Variants in PLXNB1 observed in about 807,000 individuals in gnomAD.
PLXNB1 encodes the protein plexin B1.
A neutral mutation model predicts 209.4 loss-of-function variants in PLXNB1; 106 were observed. The observed-to-expected ratio is 0.51, with a 90% CI of 0.43 to 0.59. The LOEUF is 0.59. Ranked by LOEUF, PLXNB1 falls within the 20% of genes least tolerant of loss-of-function variation. The pLI, the probability that PLXNB1 is intolerant of heterozygous loss-of-function variation, is 0.00. For missense variants in PLXNB1, 2,357 were observed against 2,853.2 expected (o/e 0.83, Z 3.96); for synonymous variants, 1,167 against 1,183.2 (o/e 0.99, Z 0.28).
rs868776100 is a variant in PLXNB1 at position 48,414,888 on chromosome 3, A to G, written c.4120T>C (p.Tyr1374His). ...GGCTGCAGGGTGGGGTCGGCCTCATAGGAGAAAGGTGTGGGGTTCAGTGTT... is the reference window on the plus strand; with the variant it reads ...GGCTGCAGGGTGGGGTCGGCCTCATGGGAGAAAGGTGTGGGGTTCAGTGTT... ...FATLNPTPFS[Y>H]EADPTLQPLN... The change falls in exon 21 of 38, where the codon TAT becomes CAT. Residue 1374 changes from tyrosine (Y) to histidine (H), a missense_variant. Around this residue, in one of 7 missense-constraint regions of PLXNB1, gnomAD observed 743 missense variants for 896.2 expected, o/e 0.83. Transcript: ENST00000296440. 2 of 1,614,014 alleles carry G rather than the reference A, an allele frequency of 1.2e-6. No individual in the cohort carries two copies. Among genetic ancestry groups the G allele is most frequent in the Middle Eastern group, 3.3e-4 (2 of 6,062 alleles).
At position 48,420,791 on chromosome 3, in the gene PLXNB1, A is replaced by G; in HGVS notation, c.1920-18T>C. 6.2e-7 allele frequency: 1 copy of G among 1,613,438 alleles called. No individual in the cohort carries two copies. The highest frequency in any genetic ancestry group is 1.1e-5 in the South Asian group (1 of 91,050). ...CCTGGCACCTGCACAGAGCACAGCC[A>G]TGGGGCAAGGGTCGCCACAGGGAAG... On this transcript the variant is annotated intron_variant, in intron 9 of 37. Transcript: ENST00000296440.
rs770730230 is a variant in PLXNB1 at position 48,419,735 on chromosome 3, C to T, written c.2551G>A (p.Glu851Lys). Residue 851 changes from glutamate to lysine, a missense_variant, in exon 11 of 38, where the codon GAG becomes AAG. Coordinates refer to ENST00000296440, the MANE Select transcript of PLXNB1 (RefSeq NM_001130082.3). The surrounding 1 kb of genome is among the most constrained non-coding windows in gnomAD (Gnocchi z 5.7). ...TCACCCCCCGTCCACTCGTCCGCCT[C>T]GGGCAGCTCGCCGCCTTCTCTCGTG... ...WLTREGGELPEADEWTGGDAP... is the reference protein window; with the variant it reads ...WLTREGGELPKADEWTGGDAP... 13 of 1,610,434 alleles carry T rather than the reference C, an allele frequency of 8.1e-6. No homozygotes were observed. The highest frequency in any genetic ancestry group is 6.7e-5 in the African/African-American group (5 of 74,914).
At position 48,415,374 on chromosome 3, in the gene PLXNB1, C is replaced by T. The variant is rs759374022; in HGVS notation, c.3795-27G>A. On this transcript the variant is annotated intron_variant, in intron 19 of 37. Transcript: ENST00000296440. This position sits in a 1 kb window ranked among gnomAD's most constrained non-coding sequence, Gnocchi z 5.0. ...TGAAACAGACCGTGAGCTTACGTAACGTAAGATGGCTTATGTTACCTGGAC... is the reference window on the plus strand; with the variant it reads ...TGAAACAGACCGTGAGCTTACGTAATGTAAGATGGCTTATGTTACCTGGAC... 13 of 1,605,086 alleles carry T rather than the reference C, an allele frequency of 8.1e-6. No homozygotes were observed. The highest frequency in any genetic ancestry group is 1.1e-5 in the South Asian group (1 of 90,534).
rs550389845 is a variant in PLXNB1 at position 48,419,961 on chromosome 3, G to T, written c.2325C>A (p.Pro775=). The T allele has an allele frequency of 2.5e-6, 4 of 1,583,004 alleles. No individual in the cohort carries two copies. In the South Asian group the frequency reaches 4.6e-5, roughly 18 times the overall value. The change falls in exon 11 of 38, where the codon CCC becomes CCA. Residue 775 remains proline (P), a synonymous_variant. Transcript: ENST00000296440. The surrounding 1 kb of genome is among the most constrained non-coding windows in gnomAD (Gnocchi z 5.7). ...QNGPGTAVPA[P]TDFRPSATPE... is the part of the protein sequence containing the mutation. ...GTGTGGCTGAGGGTCTGAAGTCAGT[G>T]GGGGCAGGGACAGCGGTTCCAGGTC... is the stretch of plus-strand genomic sequence containing the variant.
At chr3:48,412,063 A>G in intron 27 of PLXNB1, 54 bp from the exon 28 acceptor site, 1 of 1,590,642 alleles carries the variant, frequency 6.3e-7, no homozygotes, top group Non-Finnish European at 8.6e-7. Flanking sequence ...GGTGTATGGG[A>G]CATGACGCAC....
intron 1 of PLXNB1, among the ~76,000 whole-genome samples, chr3:48,428,808 G>C (rs890056362): frequency 6.6e-6 from 1 of 151,712 alleles, no homozygotes; most frequent in Admixed American, 6.6e-5. Flanking sequence ...GTGGAGAGGA[G>C]GGTCCCCCCC....
intron 21 of PLXNB1, 139 bp downstream of exon 21, chr3:48,414,657 GCCC>G: frequency 9.0e-7 from 1 of 1,114,890 alleles, no homozygotes; most frequent in South Asian, 1.5e-5. Context: ...AGCCCCCTCT[GCCC>G]CCACCACAGC....
rs1158427757 is a variant in PLXNB1 at position 48,414,811 on chromosome 3, C to A, written c.4197G>T (p.Val1399=). 2 of 1,613,668 alleles carry A rather than the reference C, an allele frequency of 1.2e-6. No homozygotes were observed. Among genetic ancestry groups the A allele is most frequent in the South Asian group, 1.1e-5 (1 of 91,080 alleles). The change falls in exon 21 of 38, where the codon GTG becomes GTT. Residue 1399 remains valine (V), a synonymous_variant. Transcript: ENST00000296440. ...TMPFRHKPGS[V]FSVEGENLDL... ...GTAGGAGCTGTACCTCCACGGAGAA[C>A]ACACTCCCAGGCTTGTGCCGGAATG...
rs1489640092 is a variant in PLXNB1, at chr3:48,404,272, A to T, written c.*214T>A. The T allele has an allele frequency of 7.5e-6, 4 of 536,376 alleles. No individual in the cohort carries two copies. Among genetic ancestry groups the T allele is most frequent in the Non-Finnish European group, 1.3e-5 (4 of 303,328 alleles). The allele number at this position is 536,376 out of a possible 1,614,324, so 33.2% of individuals were successfully genotyped here. ...TGTCACAGGGTCGCTGGACTCGGGG[A>T]GCAGGCTGGGTACTACCCCATGAGC... On this transcript the variant is annotated 3_prime_UTR_variant, in exon 38 of 38. Transcript: ENST00000296440.
At chr3:48,424,671 T>G (rs2038790403) in intron 2 of PLXNB1, 54 bp from the exon 3 acceptor site, 1 of 1,495,750 alleles carries the variant, frequency 6.7e-7, no homozygotes. Flanking sequence ...CAGAGCACCC[T>G]GGGGCCACTG....
chr3:48,405,906 T>A lies in PLXNB1; in HGVS notation c.6229-108A>T. The stretch of plus-strand genomic sequence containing the variant: ...CTGGGGGAGAAGGGGACCTGAGAGG[T>A]AGAGAATGGGATGGGCACTACAGTG... On this transcript the variant is annotated intron_variant, in intron 36 of 37. Coordinates refer to ENST00000296440, the MANE Select transcript of PLXNB1 (RefSeq NM_001130082.3). This position sits in a 1 kb window ranked among gnomAD's most constrained non-coding sequence, Gnocchi z 5.0. The A allele has an allele frequency of 1.2e-6, 1 of 825,418 alleles. No homozygotes were observed. Among genetic ancestry groups the A allele is most frequent in the Admixed American group, 2.0e-5 (1 of 50,254 alleles). The allele number at this position is 825,418 out of a possible 1,614,324, so 51.1% of individuals were successfully genotyped here.
rs1218001663 is a variant in PLXNB1, at chr3:48,412,222, A to T, written c.5100+16T>A. The T allele has an allele frequency of 1.2e-6, 2 of 1,613,016 alleles. No individual in the cohort carries two copies. Among genetic ancestry groups the T allele is most frequent in the African/African-American group, 2.7e-5 (2 of 74,834 alleles). On this transcript the variant is annotated intron_variant, in intron 27 of 37. Transcript: ENST00000296440. ...CCCTCCCTGGACAGGAGCCCTGTCCACCTCTGCCCCCTCACCCTCACGAAG... is the reference window on the plus strand; with the variant it reads ...CCCTCCCTGGACAGGAGCCCTGTCCTCCTCTGCCCCCTCACCCTCACGAAG...
chr3:48,426,399 G>A (rs1184741210), intron 1 of PLXNB1, among the ~76,000 whole-genome samples: 2 of 152,256 alleles, frequency 1.3e-5, no homozygotes, highest in African/African-American at 2.4e-5. Context: ...CTCAGACTGG[G>A]AGACACTTCC....
Position 48,424,488 on chromosome 3 carries a change from G to T in PLXNB1, c.124C>A (p.Pro42Thr). The T allele has an allele frequency of 6.2e-7, 1 of 1,603,338 alleles. No individual in the cohort carries two copies. The highest frequency in any genetic ancestry group is 8.5e-7 in the Non-Finnish European group (1 of 1,174,958). The change falls in exon 3 of 38, where the codon CCC (proline) becomes ACC (threonine). Residue 42 changes from proline to threonine, a missense_variant. Transcript: ENST00000296440. The stretch of plus-strand genomic sequence containing the variant: ...CCCAGGTAGAGGGTGCCTGAGGTGG[G>T]GTCCCTTGCCAGGTGCTGCAGATAC... ...GTYLQHLARDPTSGTLYLGAT... is the reference protein window; with the variant it reads ...GTYLQHLARDTTSGTLYLGAT...
In PLXNB1 at chr3:48,405,679, G is replaced by T. The variant is rs564348818; in HGVS notation, c.6303+45C>A. ...GGTCAGAGCCCCTTAAGTCTCCTGG[G>T]AGGCCTTGGGTCAGCCTCCCAGTCG... On this transcript the variant is annotated intron_variant, in intron 37 of 37. Transcript: ENST00000296440. The surrounding 1 kb of genome is among the most constrained non-coding windows in gnomAD (Gnocchi z 5.0). 56 of 1,482,458 alleles carry T rather than the reference G, an allele frequency of 3.8e-5. 1 individual carries two copies. The South Asian group carries it at 5.9e-4, about 16-fold the overall frequency. 91.8% of individuals were successfully genotyped at this position (1,482,458 alleles called of 1,614,324 possible).
Position 48,410,742 on chromosome 3 carries a change from G to T in PLXNB1, c.5416+126C>A. 1 of 1,051,722 alleles carries T rather than the reference G, an allele frequency of 9.5e-7. No individual in the cohort carries two copies. Among genetic ancestry groups the T allele is most frequent in the African/African-American group, 1.6e-5 (1 of 62,756 alleles). 65.1% of individuals were successfully genotyped at this position (1,051,722 alleles called of 1,614,324 possible). On this transcript the variant is annotated intron_variant, in intron 29 of 37. Transcript: ENST00000296440. The surrounding 1 kb of genome is among the most constrained non-coding windows in gnomAD (Gnocchi z 6.4). ...GGCTGTCCAAGAAAGATGTTCCAAA[G>T]CCAGCTTCTGCCTGCCTCCCAGCAT...
chr3:48,422,149 A>G lies in PLXNB1; in HGVS notation c.1476T>C (p.Leu492=). ...CAQHLDCASC[L]AHRDPYCGWC... ...ACCCACAGTATGGGTCCCTGTGAGC[A>G]AGGCAAGATGCACAGTCCAGGTGCT... The change falls in exon 6 of 38, where the codon CTT becomes CTC. Residue 492 remains leucine (L), a synonymous_variant. Coordinates refer to ENST00000296440, the MANE Select transcript of PLXNB1 (RefSeq NM_001130082.3). 1 of 1,614,188 alleles carries G rather than the reference A, an allele frequency of 6.2e-7. No individual in the cohort carries two copies. Among genetic ancestry groups the G allele is most frequent in the East Asian group, 2.2e-5 (1 of 44,884 alleles).
Position 48,413,258 on chromosome 3 carries a change from A to T in PLXNB1, c.4536-89T>A, listed in dbSNP as rs2037824258. ...CAATCCCCAGGCACACCCCGGCCTCATCCAGCACAGTCCAATGCAGCCATG... is the reference window on the plus strand; with the variant it reads ...CAATCCCCAGGCACACCCCGGCCTCTTCCAGCACAGTCCAATGCAGCCATG... On this transcript the variant is annotated intron_variant, in intron 23 of 37. Coordinates refer to ENST00000296440, the MANE Select transcript of PLXNB1 (RefSeq NM_001130082.3). The surrounding 1 kb of genome is among the most constrained non-coding windows in gnomAD (Gnocchi z 5.4). 5.8e-6 allele frequency: 6 copies of T among 1,031,558 alleles called. No individual in the cohort carries two copies. The South Asian group carries it at 7.8e-5, about 13-fold the overall frequency. 63.9% of individuals were successfully genotyped at this position (1,031,558 alleles called of 1,614,324 possible).
chr3:48,404,156 G>A lies in PLXNB1; in HGVS notation c.*330C>T, dbSNP rs972471998. 1.9e-5 allele frequency: 5 copies of A among 261,052 alleles called. No homozygotes were observed. The highest frequency in any genetic ancestry group is 1.5e-4 in the East Asian group (2 of 13,240). The allele number at this position is 261,052 out of a possible 1,614,324, so 16.2% of individuals were successfully genotyped here. Reference sequence around the variant, plus strand: ...CCGAATCCCAGTGTGGCCAAGGCCAGTGTTCAGGAACAGTACAGTCTCCCC... The same window carrying A: ...CCGAATCCCAGTGTGGCCAAGGCCAATGTTCAGGAACAGTACAGTCTCCCC... On this transcript the variant is annotated 3_prime_UTR_variant, in exon 38 of 38. Transcript: ENST00000296440.
Sources: allele counts gnomAD v4.1 joint callset (sites outside exome capture counted in the v4.1 genomes callset), GRCh38; gene constraint gnomAD v4.1.1; regional missense constraint gnomAD v4.1.1; non-coding constraint Gnocchi (gnomAD v3.1); transcripts MANE v1.5; gene names NCBI Gene and HGNC (gene_info 2026-07-23, HGNC 2026-07-21).